The following PPP2R2B variants were observed in gnomAD, a reference collection of about 807,000 sequenced individuals.
The protein encoded by PPP2R2B is serine/threonine-protein phosphatase 2A 55 kDa regulatory subunit B beta isoform.
In PPP2R2B, 5 loss-of-function variants were observed where a neutral mutation model predicts 46.0. The observed-to-expected ratio is 0.11, with a 90% CI of 0.06 to 0.23. The LOEUF is 0.23. Ranked by LOEUF, PPP2R2B falls within the 10% of genes least tolerant of loss-of-function variation. The pLI is 1.00. For synonymous variants in PPP2R2B, 215 were observed against 206.7 expected, an observed-to-expected ratio of 1.04 and a Z score of -0.34; for missense variants, 367 against 575.0, an observed-to-expected ratio of 0.64 and a Z score of 3.70.
chr5:146,713,681 A>G (rs1432206825), intron 2 of PPP2R2B, among the ~76,000 whole-genome samples: 2 of 152,168 alleles, frequency 1.3e-5, no homozygotes, highest in African/African-American at 4.8e-5. Flanking sequence ...TGATATTGAA[A>G]GTTGACCTGT....
intron 5 of PPP2R2B, among the ~76,000 whole-genome samples, chr5:146,680,640 G>C (rs546208032): frequency 1.9e-4 from 29 of 152,106 alleles, no homozygotes; most frequent in Non-Finnish European, 4.0e-4. Flanking sequence ...CTGTGTTTAA[G>C]CTAGGGTTTC....
chr5:147,000,830 A>T lies in PPP2R2B; in HGVS notation c.79+54835T>A, dbSNP rs138615451. ...CCTTGGTTTAATCATCTCCTGAGGG[A>T]TTTCCCTCCTGACTAGGTTCACACT... On this transcript the variant is annotated intron_variant, in intron 1 of 8. Transcript: ENST00000336640. Among the ~76,000 whole-genome samples, 61 of 152,098 alleles carry T rather than the reference A, an allele frequency of 4.0e-4. No individual in the cohort carries two copies. In the East Asian group the frequency reaches 0.012, roughly 29 times the overall value.
At chr5:147,073,861 C>A (rs1757677537) in intron 2 of PPP2R2B, among the ~76,000 whole-genome samples, 2 of 151,944 alleles carry the variant, frequency 1.3e-5, no homozygotes, top group Non-Finnish European at 2.9e-5. Flanking sequence ...TATGGTGAAA[C>A]CCCATCTTTA....
At chr5:146,750,230 G>C (rs371637328) in intron 2 of PPP2R2B, among the ~76,000 whole-genome samples, 2 of 152,110 alleles carry the variant, frequency 1.3e-5, no homozygotes, top group East Asian at 3.8e-4. Context: ...CAAGGAGACT[G>C]ATTCTTCCCA....
intron 5 of PPP2R2B, among the ~76,000 whole-genome samples, chr5:146,685,660 G>T (rs541780731): frequency 1.3e-5 from 2 of 152,314 alleles, no homozygotes; most frequent in African/African-American, 2.4e-5. Context: ...GGTACCTATG[G>T]TTGTGTCCAA....
chr5:146,996,576 G>A (rs1343693496), intron 1 of PPP2R2B, among the ~76,000 whole-genome samples: 1 of 152,130 alleles, frequency 6.6e-6, no homozygotes, highest in African/African-American at 2.4e-5. Context: ...AATTCTCATG[G>A]CTGTATGGAA....
chr5:146,712,820 C>T (rs999474981), intron 2 of PPP2R2B, among the ~76,000 whole-genome samples: 3 of 152,042 alleles, frequency 2.0e-5, no homozygotes, highest in East Asian at 3.9e-4. Flanking sequence ...GCTGTGTTCC[C>T]CTGCTAGAAT....
chr5:146,915,135 A>G (rs961481494), intron 1 of PPP2R2B, among the ~76,000 whole-genome samples: 1 of 152,092 alleles, frequency 6.6e-6, no homozygotes, highest in Admixed American at 6.6e-5. Flanking sequence ...AGCCACCATC[A>G]TCTTTCATCT....
Position 146,650,601 on chromosome 5 carries a change from C to A in PPP2R2B, c.571G>T (p.Ala191Ser), listed in dbSNP as rs143485788. The change falls in exon 6 of 10, where the codon GCT becomes TCT. Residue 191 changes from alanine (A) to serine (S), a missense_variant. By Grantham distance (99) the Ala-to-Ser change is moderately conservative. Transcript: ENST00000394411. ...CATAGGTTAATCCTCAGGTCATCAG[C>A]GGACATGTAGGTTTCATAGTCGCTG... ...VNSDYETYMS[A>S]DDLRINLWNF... 275 of 1,613,928 alleles carry A rather than the reference C, an allele frequency of 1.7e-4. No individual in the cohort carries two copies. The African/African-American group carries it at 3.3e-3, about 19-fold the overall frequency.
chr5:146,818,840 G>A (rs531352887), intron 2 of PPP2R2B, among the ~76,000 whole-genome samples: 1 of 152,250 alleles, frequency 6.6e-6, no homozygotes, highest in African/African-American at 2.4e-5. Flanking sequence ...GTAACCTTGA[G>A]CCATTACTTT....
At chr5:146,935,863 C>T (rs1285521075) in intron 1 of PPP2R2B, among the ~76,000 whole-genome samples, 3 of 152,126 alleles carry the variant, frequency 2.0e-5, no homozygotes, top group Non-Finnish European at 4.4e-5. Flanking sequence ...TCAGATAGAG[C>T]TGGGTTTGAT....
chr5:146,831,844 G>A (rs1440787557), intron 2 of PPP2R2B, among the ~76,000 whole-genome samples: 1 of 152,172 alleles, frequency 6.6e-6, no homozygotes, highest in Non-Finnish European at 1.5e-5. Flanking sequence ...GTATTCCAGA[G>A]GAAGGCATTG....
intron 2 of PPP2R2B, among the ~76,000 whole-genome samples, chr5:146,789,597 T>C (rs1490014557): frequency 2.0e-5 from 3 of 152,096 alleles, no homozygotes; most frequent in South Asian, 2.1e-4. Flanking sequence ...GGTGATGTTA[T>C]GGCAAACGAG....
At chr5:146,735,136 C>G (rs1488491892) in intron 2 of PPP2R2B, among the ~76,000 whole-genome samples, 1 of 152,142 alleles carries the variant, frequency 6.6e-6, no homozygotes, top group Non-Finnish European at 1.5e-5. Flanking sequence ...TGTGAAGACA[C>G]CACAGGCCAA....
intron 2 of PPP2R2B, among the ~76,000 whole-genome samples, chr5:146,743,815 A>G (rs529474461): frequency 3.3e-5 from 5 of 152,328 alleles, no homozygotes; most frequent in African/African-American, 1.2e-4. Flanking sequence ...AAATATGGCC[A>G]CAAAATTATT....
At chr5:147,056,231 G>A, upstream of PPP2R2B, 1 of 574,338 alleles carries the variant, frequency 1.7e-6, no homozygotes, top group Non-Finnish European at 2.2e-6. Context: ...AGAGATGGCT[G>A]TTAAAAGGAG....
intron 1 of PPP2R2B, among the ~76,000 whole-genome samples, chr5:146,927,788 C>T (rs1723746015): frequency 6.6e-6 from 1 of 151,264 alleles, no homozygotes; most frequent in Non-Finnish European, 1.5e-5. Context: ...GGCTGGAGTG[C>T]AGTGGTGTGA....
chr5:146,657,550 TC>T (rs1404125321), intron 5 of PPP2R2B, among the ~76,000 whole-genome samples: 2 of 152,172 alleles, frequency 1.3e-5, no homozygotes, highest in Non-Finnish European at 2.9e-5. Context: ...ACATTCTCCT[TC>T]CTAAAATCAG....
intron 1 of PPP2R2B, among the ~76,000 whole-genome samples, chr5:146,901,739 G>C (rs1441747153): frequency 1.3e-5 from 2 of 152,114 alleles, no homozygotes; most frequent in Non-Finnish European, 2.9e-5. Context: ...TACTTGGTTA[G>C]AGTGGTCAGG....
Sources: gnomAD v4.1 joint callset for allele counts (sites outside exome capture counted in the v4.1 genomes callset) on GRCh38, gnomAD v4.1.1 for gene constraint, MANE v1.5 for transcripts, NCBI Gene and HGNC (gene_info 2026-07-23, HGNC 2026-07-21) for gene names.